AZIN1: variants seen among roughly 807,000 people sequenced by gnomAD.
AZIN1 encodes antizyme inhibitor 1.
In AZIN1, 12 loss-of-function variants were observed where a neutral mutation model predicts 47.4. The ratio of observed to expected loss-of-function variants is 0.25; its 90% confidence interval spans 0.16 to 0.41. The LOEUF (loss-of-function observed/expected upper bound fraction) is 0.41. AZIN1 is among the 10% of genes least tolerant of loss of function. AZIN1 has a pLI of 1.00. For missense variants in AZIN1, 410 were observed against 532.4 expected (o/e 0.77, Z 2.26); for synonymous variants, 155 against 176.3 (o/e 0.88, Z 0.96).
At chr8:102,845,222 T>C (rs1812498546) in intron 2 of AZIN1, among the ~76,000 whole-genome samples, 1 of 151,148 alleles carries the variant, frequency 6.6e-6, no homozygotes. Context: ...ATTTCGATGG[T>C]TCTTAAAAGT....
chr8:102,841,361 T>C (rs982414565), intron 3 of AZIN1, among the ~76,000 whole-genome samples: 12 of 152,184 alleles, frequency 7.9e-5, no homozygotes, highest in Non-Finnish European at 1.6e-4. Context: ...GTAATCCTCA[T>C]TGAATGCTAC....
At chr8:102,830,062 CAAAG>C in intron 9 of AZIN1, 126 bp from the exon 10 acceptor site, 1 of 670,626 alleles carries the variant, frequency 1.5e-6, no homozygotes, top group Non-Finnish European at 2.5e-6. Flanking sequence ...ACGCATTTCA[CAAAG>C]GAAGATAACC....
At chr8:102,840,081 T>TA (rs1336207943) in intron 3 of AZIN1, among the ~76,000 whole-genome samples, 1 of 152,176 alleles carries the variant, frequency 6.6e-6, no homozygotes, top group African/African-American at 2.4e-5. Context: ...CCCTTTGAGA[T>TA]AAAAAAACTA....
chr8:102,847,158 C>T (rs537450878), intron 2 of AZIN1, among the ~76,000 whole-genome samples: 6 of 152,158 alleles, frequency 3.9e-5, no homozygotes, highest in Non-Finnish European at 8.8e-5. Flanking sequence ...GCTATATTGG[C>T]AGTACTTGAC....
At chr8:102,833,356 G>C in intron 8 of AZIN1, 138 bp from the exon 9 acceptor site, 1 of 651,364 alleles carries the variant, frequency 1.5e-6, no homozygotes. Context: ...CAACTTTGTA[G>C]TTATCTCCAA....
At chr8:102,845,257 C>T (rs1812500497) in intron 2 of AZIN1, among the ~76,000 whole-genome samples, 1 of 151,834 alleles carries the variant, frequency 6.6e-6, no homozygotes, top group Non-Finnish European at 1.5e-5. Flanking sequence ...TGCACCAAAA[C>T]AGTCCTTAAT....
intron 5 of AZIN1, among the ~76,000 whole-genome samples, chr8:102,837,515 A>G (rs998734664): frequency 2.6e-5 from 4 of 152,236 alleles, no homozygotes; most frequent in Non-Finnish European, 5.9e-5. Flanking sequence ...TCAGAGGACA[A>G]GATTGATGAA....
At chr8:102,848,323 CAAA>C (rs60663839) in intron 2 of AZIN1, among the ~76,000 whole-genome samples, 22,199 of 91,530 alleles carry the variant, frequency 0.24, 1,831 homozygotes, top group South Asian at 0.41. Context: ...ACTAAAAGGC[CAAA>C]AAAAAAAAAA....
chr8:102,836,926 A>C (rs1296124697), intron 5 of AZIN1, among the ~76,000 whole-genome samples: 2 of 151,928 alleles, frequency 1.3e-5, no homozygotes, highest in East Asian at 3.8e-4. Flanking sequence ...TTTTTCTGAG[A>C]TGGAGTTTCA....
At chr8:102,848,055 C>CA (rs1812683684) in intron 2 of AZIN1, among the ~76,000 whole-genome samples, 1 of 152,170 alleles carries the variant, frequency 6.6e-6, no homozygotes, top group African/African-American at 2.4e-5. Flanking sequence ...TTTAGATACA[C>CA]AGATACTTAC....
At chr8:102,836,175 A>C (rs192692746) in intron 6 of AZIN1, 81 bp downstream of exon 6, 12 of 1,404,854 alleles carry the variant, frequency 8.5e-6, no homozygotes, top group Non-Finnish European at 1.2e-5. Flanking sequence ...TCATGCAAAT[A>C]AAGTCTTAAA....
At chr8:102,863,120 G>A (rs917153723) in intron 1 of AZIN1, among the ~76,000 whole-genome samples, 7 of 152,236 alleles carry the variant, frequency 4.6e-5, no homozygotes, top group African/African-American at 1.7e-4. Flanking sequence ...GAGGCTTCCA[G>A]AAGGGGCCAA....
chr8:102,845,390 T>C (rs899461187), intron 2 of AZIN1, among the ~76,000 whole-genome samples: 29 of 152,214 alleles, frequency 1.9e-4, no homozygotes. Context: ...TCATGCCATA[T>C]AGCACAGACT....
intron 1 of AZIN1, among the ~76,000 whole-genome samples, chr8:102,861,587 C>T (rs1586216081): frequency 6.6e-6 from 1 of 152,022 alleles, no homozygotes; most frequent in East Asian, 1.9e-4. Context: ...TACTCAGCAA[C>T]ACAAATAATC....
At chr8:102,849,730 G>A (rs144682689) in intron 2 of AZIN1, among the ~76,000 whole-genome samples, 8 of 152,180 alleles carry the variant, frequency 5.3e-5, no homozygotes, top group Non-Finnish European at 8.8e-5. Flanking sequence ...ATACAGTAGC[G>A]TATAACCACA....
chr8:102,830,401 C>CA (rs34437491), intron 9 of AZIN1, among the ~76,000 whole-genome samples: 16,612 of 90,230 alleles, frequency 0.18, 1,484 homozygotes, highest in African/African-American at 0.31. Flanking sequence ...GACCCTGTCT[C>CA]AAAAAAAAAA....
In AZIN1 at chr8:102,832,602, T is replaced by C. The variant is rs905387090; in HGVS notation, c.904+454A>G. Among the ~76,000 whole-genome samples the C allele has an allele frequency of 5.3e-5, 8 of 152,160 alleles. No individual in the cohort carries two copies. In the East Asian group the frequency reaches 5.8e-4, roughly 11 times the overall value. On this transcript the variant is annotated intron_variant, in intron 9 of 11. Coordinates refer to ENST00000337198, the MANE Select transcript of AZIN1 (RefSeq NM_148174.4). ...TATCTAAACATCAGTACCAAGAAAG[T>C]TGGATTTGGAAGTCTTACGGAATGG...
rs962099435 is a variant in AZIN1 at position 102,836,152 on chromosome 8, T to C, written c.584+104A>G. 1.2e-5 allele frequency: 16 copies of C among 1,284,070 alleles called. No individual in the cohort carries two copies. In the African/African-American group the frequency reaches 2.4e-4, roughly 19 times the overall value. The allele number at this position is 1,284,070 out of a possible 1,614,324, so 79.5% of individuals were successfully genotyped here. On this transcript the variant is annotated intron_variant, in intron 6 of 11. Coordinates refer to ENST00000337198, the MANE Select transcript of AZIN1 (RefSeq NM_148174.4). ...TGTGTGTTAAAAGACTAGAAAAAATTGCATCTTAGATTTCATGCAAATAAA... is the reference window on the plus strand; with the variant it reads ...TGTGTGTTAAAAGACTAGAAAAAATCGCATCTTAGATTTCATGCAAATAAA...
chr8:102,852,412 C>G (rs1336942436), intron 2 of AZIN1, among the ~76,000 whole-genome samples: 6 of 152,028 alleles, frequency 3.9e-5, no homozygotes, highest in Non-Finnish European at 8.8e-5. Flanking sequence ...CTTGTCTCTA[C>G]TAAAAATACA....
Sources: gnomAD v4.1 joint callset for allele counts (sites outside exome capture counted in the v4.1 genomes callset) on GRCh38, gnomAD v4.1.1 for gene constraint, MANE v1.5 for transcripts, NCBI Gene and HGNC (gene_info 2026-07-23, HGNC 2026-07-21) for gene names.